The following ZC2HC1C variants were observed in gnomAD, a reference collection of about 807,000 sequenced individuals.
The protein encoded by ZC2HC1C is zinc finger C2HC-type containing 1C.
Under a neutral mutation model 39.2 loss-of-function variants are expected in ZC2HC1C, and 25 were observed. That is an observed-to-expected ratio of 0.64 (90% confidence interval 0.47 to 0.89). The LOEUF is 0.89. Ranked by LOEUF, ZC2HC1C falls within the 40% of genes least tolerant of loss-of-function variation. The pLI, the probability that ZC2HC1C is intolerant of heterozygous loss-of-function variation, is 0.00. For synonymous variants in ZC2HC1C, 209 were observed against 214.4 expected (o/e 0.97, Z 0.22); for missense variants, 519 against 548.6 (o/e 0.95, Z 0.54).
rs1893771948 is a variant in ZC2HC1C at position 75,078,301 on chromosome 14, T to C, written c.*737T>C. 1 of 152,274 alleles carries C rather than the reference T, an allele frequency of 6.6e-6. No homozygotes were observed. The highest frequency in any genetic ancestry group is 6.5e-5 in the Admixed American group (1 of 15,274). 9.4% of individuals were successfully genotyped at this position (152,274 alleles called of 1,614,324 possible). A position where few individuals can be genotyped will look rare whatever the true frequency, so the allele number is the denominator to read the frequency against. On this transcript the variant is annotated 3_prime_UTR_variant, in exon 3 of 3. Transcript: ENST00000524913. ...ATAAGGCATTATTAATGGAAATCTATCCTTGGTCTCCCTGGTGCATAAGCC... is the reference window on the plus strand; with the variant it reads ...ATAAGGCATTATTAATGGAAATCTACCCTTGGTCTCCCTGGTGCATAAGCC...
rs541544171 is a variant in ZC2HC1C at position 75,074,422 on chromosome 14, A to T, written c.1338+2511A>T. On this transcript the variant is annotated intron_variant, in intron 2 of 2. Coordinates refer to ENST00000524913, the MANE Select transcript of ZC2HC1C (RefSeq NM_024643.4). The stretch of plus-strand genomic sequence containing the variant: ...GTTTGCATGCATTTAAAAAACATGT[A>T]GTACTGAATGACCTATAATGGAACC... Among the ~76,000 whole-genome samples the T allele has an allele frequency of 2.1e-4, 32 of 152,312 alleles. No homozygotes were observed. In the East Asian group the frequency reaches 6.0e-3, roughly 28 times the overall value.
chr14:75,071,515 T>C lies in ZC2HC1C; in HGVS notation c.942T>C (p.Gly314=). 6.2e-7 allele frequency: 1 copy of C among 1,614,106 alleles called. No individual in the cohort carries two copies. Among genetic ancestry groups the C allele is most frequent in the Non-Finnish European group, 8.5e-7 (1 of 1,180,008 alleles). The change falls in exon 2 of 3, where the codon GGT becomes GGC. Residue 314 remains glycine (G), a synonymous_variant. Transcript: ENST00000524913. Reference sequence around the variant, plus strand: ...GGGGACGGTCTCAACAAAATTCAGGTCCATTCCAGTTCTCTGATTATAGAA... The same window carrying C: ...GGGGACGGTCTCAACAAAATTCAGGCCCATTCCAGTTCTCTGATTATAGAA... ...ETWGRSQQNS[G]PFQFSDYRIQ...
At chr14:75,076,708 T>C (rs1000008765) in intron 2 of ZC2HC1C, among the ~76,000 whole-genome samples, 2 of 152,228 alleles carry the variant, frequency 1.3e-5, no homozygotes, top group Non-Finnish European at 2.9e-5. Flanking sequence ...TTTGTTGATA[T>C]GGTCTCATGT....
chr14:75,070,529 G>T, intron 1 of ZC2HC1C, 26 bp from the exon 2 acceptor site: 1 of 1,548,198 alleles, frequency 6.5e-7, no homozygotes, highest in East Asian at 2.3e-5. Context: ...AACTCTTCCC[G>T]TGTATCTGGT....
intron 2 of ZC2HC1C, among the ~76,000 whole-genome samples, chr14:75,075,792 C>G (rs1893639655): frequency 6.6e-6 from 1 of 152,196 alleles, no homozygotes; most frequent in Non-Finnish European, 1.5e-5. Context: ...TGCTGTGGCT[C>G]ACGCCTATAA....
chr14:75,079,402 A>AT lies in ZC2HC1C; in HGVS notation c.*1839dup, dbSNP rs758332882. The AT allele has an allele frequency of 6.6e-6, 1 of 152,180 alleles. No individual in the cohort carries two copies. Among genetic ancestry groups the AT allele is most frequent in the Non-Finnish European group, 1.5e-5 (1 of 68,038 alleles). The allele number at this position is 152,180 out of a possible 1,614,324, so 9.4% of individuals were successfully genotyped here. A position where few individuals can be genotyped will look rare whatever the true frequency, so the allele number is the denominator to read the frequency against. On this transcript the variant is annotated 3_prime_UTR_variant, in exon 3 of 3. Coordinates refer to ENST00000524913, the MANE Select transcript of ZC2HC1C (RefSeq NM_024643.4). Reference sequence around the variant, plus strand: ...TCCAAAGGAAAGGAGGTATCACATAATAAAGCTTTATGGTTAGCCCCTTAA... The same window carrying AT: ...TCCAAAGGAAAGGAGGTATCACATAATTAAAGCTTTATGGTTAGCCCCTTAA...
chr14:75,071,044 T>G lies in ZC2HC1C; in HGVS notation c.471T>G (p.Thr157=). Residue 157 remains threonine (T), a synonymous_variant, in exon 2 of 3, where the codon ACT becomes ACG. Coordinates refer to ENST00000524913, the MANE Select transcript of ZC2HC1C (RefSeq NM_024643.4). ...RKSCSTGEAG[T]DGDHNVYPRP... ...CGTGCAGTACAGGTGAGGCTGGCAC[T>G]GATGGGGACCATAATGTCTACCCAA... 1 of 1,614,214 alleles carries G rather than the reference T, an allele frequency of 6.2e-7. No homozygotes were observed. The highest frequency in any genetic ancestry group is 8.5e-7 in the Non-Finnish European group (1 of 1,180,038).
rs1402315789 is a variant in ZC2HC1C, at chr14:75,069,731, C to G, written c.-38C>G. On this transcript the variant is annotated 5_prime_UTR_variant, in exon 1 of 3. Transcript: ENST00000524913. The stretch of plus-strand genomic sequence containing the variant: ...CCCTGGGGTTTTCCCTGAGCAGGAG[C>G]GGTGCCCGAGGGCCTCAGGTACGCA... The G allele has an allele frequency of 1.9e-5, 3 of 156,928 alleles. No individual in the cohort carries two copies. The highest frequency in any genetic ancestry group is 2.8e-5 in the Non-Finnish European group (2 of 71,358). 9.7% of individuals were successfully genotyped at this position (156,928 alleles called of 1,614,324 possible).
At position 75,070,474 on chromosome 14, in the gene ZC2HC1C, A is replaced by G. The variant is rs930762671; in HGVS notation, c.-19-81A>G. 7 of 1,476,296 alleles carry G rather than the reference A, an allele frequency of 4.7e-6. No homozygotes were observed. The Admixed American group carries it at 6.8e-5, about 14-fold the overall frequency. 91.4% of individuals were successfully genotyped at this position (1,476,296 alleles called of 1,614,324 possible). Reference sequence around the variant, plus strand: ...GTTTAAGGGAATGTGGGCAGGGCAAATGTAGAAATAGTTTGCTTTAGCAGC... The same window carrying G: ...GTTTAAGGGAATGTGGGCAGGGCAAGTGTAGAAATAGTTTGCTTTAGCAGC... On this transcript the variant is annotated intron_variant, in intron 1 of 2. Transcript: ENST00000524913.
intron 2 of ZC2HC1C, among the ~76,000 whole-genome samples, chr14:75,072,633 G>T (rs1893481109): frequency 6.6e-6 from 1 of 152,148 alleles, no homozygotes; most frequent in South Asian, 2.1e-4. Context: ...ATAAATTTAG[G>T]TGAACTTCAT....
rs1893332351 is a variant in ZC2HC1C at position 75,070,713 on chromosome 14, GGC to G, written c.141_142del (p.His48ProfsTer19). On this transcript the variant is annotated frameshift_variant, in exon 2 of 3. Transcript: ENST00000524913. LOFTEE classifies it high-confidence loss of function. ...GACTCTTCCCAGCAGTCCTTGAAGGGGCACCTGAGGAACAATTTCCAGAAGCA... is the reference window on the plus strand; with the variant it reads ...GACTCTTCCCAGCAGTCCTTGAAGGGACCTGAGGAACAATTTCCAGAAGCA... 2 of 1,614,164 alleles carry G rather than the reference GGC, an allele frequency of 1.2e-6. No individual in the cohort carries two copies. Among genetic ancestry groups the G allele is most frequent in the South Asian group, 2.2e-5 (2 of 91,082 alleles).
intron 1 of ZC2HC1C, 130 bp from the exon 2 acceptor site, chr14:75,070,425 T>C: frequency 9.2e-7 from 1 of 1,092,148 alleles, no homozygotes; most frequent in Non-Finnish European, 1.3e-6. Context: ...CTTTGGCAGG[T>C]CCAGCAACAC....
chr14:75,072,640 T>G (rs1458270138), intron 2 of ZC2HC1C, among the ~76,000 whole-genome samples: 2 of 152,220 alleles, frequency 1.3e-5, no homozygotes, highest in Non-Finnish European at 2.9e-5. Context: ...TAGGTGAACT[T>G]CATAGGCACA....
In ZC2HC1C at chr14:75,071,114, A is replaced by G; in HGVS notation, c.541A>G (p.Arg181Gly). 6.2e-7 allele frequency: 1 copy of G among 1,614,192 alleles called. No individual in the cohort carries two copies. The highest frequency in any genetic ancestry group is 2.2e-5 in the East Asian group (1 of 44,888). ...REFSSRNFGV[R>G]NQGNFSVVGT... ...GTTTTCATCTAGGAACTTTGGTGTG[A>G]GGAACCAGGGCAACTTTTCTGTGGT... The change falls in exon 2 of 3, where the codon AGG becomes GGG. Residue 181 changes from arginine to glycine, a missense_variant. Physicochemically the swap from Arg to Gly is moderately radical, Grantham distance 125. Coordinates refer to ENST00000524913, the MANE Select transcript of ZC2HC1C (RefSeq NM_024643.4).
chr14:75,070,926 C>A lies in ZC2HC1C; in HGVS notation c.353C>A (p.Pro118His). 6.2e-7 allele frequency: 1 copy of A among 1,614,162 alleles called. No individual in the cohort carries two copies. Among genetic ancestry groups the A allele is most frequent in the South Asian group, 1.1e-5 (1 of 91,082 alleles). Residue 118 changes from proline (P) to histidine (H), a missense_variant, in exon 2 of 3, where the codon CCC (proline) becomes CAC (histidine). By Grantham distance (77) the Pro-to-His change is moderately conservative (BLOSUM62 -2). Transcript: ENST00000524913. Reference protein sequence around the residue: ...FYSSGPQSWYPKANNQDFIPF... With the variant: ...FYSSGPQSWYHKANNQDFIPF... ...TCGTCAGGCCCTCAATCCTGGTATC[C>A]CAAAGCCAATAACCAGGACTTTATC...
In ZC2HC1C at chr14:75,070,877, G is replaced by A. The variant is rs1280836249; in HGVS notation, c.304G>A (p.Gly102Ser). 1.2e-6 allele frequency: 2 copies of A among 1,614,084 alleles called. No individual in the cohort carries two copies. The highest frequency in any genetic ancestry group is 3.3e-5 in the Admixed American group (2 of 59,998). ...SQQDPESDSQ[G>S]QGNGLFYSSG... Reference sequence around the variant, plus strand: ...GCAAGATCCAGAAAGTGATTCCCAGGGCCAAGGAAATGGTTTGTTTTACTC... The same window carrying A: ...GCAAGATCCAGAAAGTGATTCCCAGAGCCAAGGAAATGGTTTGTTTTACTC... The change falls in exon 2 of 3, where the codon GGC becomes AGC. Residue 102 changes from glycine (G) to serine (S), a missense_variant. By Grantham distance (56) the Gly-to-Ser change is moderately conservative. Transcript: ENST00000524913.
chr14:75,076,317 GGAGTGCAGTGGCATGATCTTGGCT>G (rs1893666131), intron 2 of ZC2HC1C, among the ~76,000 whole-genome samples: 1 of 152,044 alleles, frequency 6.6e-6, no homozygotes, highest in Non-Finnish European at 1.5e-5. Context: ...CGCCCAGGCT[GGAGTGCAGTGGCATGATCTTGGCT>G]CACTGCAACC....
Position 75,071,029 on chromosome 14 carries a change from A to C in ZC2HC1C, c.456A>C (p.Thr152=). 1 of 1,614,214 alleles carries C rather than the reference A, an allele frequency of 6.2e-7. No individual in the cohort carries two copies. Among genetic ancestry groups the C allele is most frequent in the Admixed American group, 1.7e-5 (1 of 60,018 alleles). Residue 152 remains threonine, a synonymous_variant, in exon 2 of 3, where the codon ACA becomes ACC. Transcript: ENST00000524913. The part of the protein sequence containing the change: ...KPMVHRKSCS[T]GEAGTDGDHN... Reference sequence around the variant, plus strand: ...TGGTCCACAGGAAGTCGTGCAGTACAGGTGAGGCTGGCACTGATGGGGACC... The same window carrying C: ...TGGTCCACAGGAAGTCGTGCAGTACCGGTGAGGCTGGCACTGATGGGGACC...
Position 75,071,396 on chromosome 14 carries a change from G to A in ZC2HC1C, c.823G>A (p.Gly275Ser), listed in dbSNP as rs1417189619. The A allele has an allele frequency of 5.0e-6, 8 of 1,614,044 alleles. No individual in the cohort carries two copies. The highest frequency in any genetic ancestry group is 5.9e-6 in the Non-Finnish European group (7 of 1,180,046). ...KIILPRSRVK[G>S]NKSNTMYKPI... ...TATACTCCCCAGGAGCAGAGTTAAAGGTAATAAAAGCAACACCATGTACAA... is the reference window on the plus strand; with the variant it reads ...TATACTCCCCAGGAGCAGAGTTAAAAGTAATAAAAGCAACACCATGTACAA... Residue 275 changes from glycine (G) to serine (S), a missense_variant, in exon 2 of 3, where the codon GGT becomes AGT. Physicochemically the swap from Gly to Ser is moderately conservative, Grantham distance 56. Transcript: ENST00000524913.
Sources: gnomAD v4.1 joint callset for allele counts (sites outside exome capture counted in the v4.1 genomes callset) on GRCh38, gnomAD v4.1.1 for gene constraint, MANE v1.5 for transcripts, NCBI Gene and HGNC (gene_info 2026-07-23, HGNC 2026-07-21) for gene names.